Variants in OPHN1 observed in about 807,000 individuals in gnomAD.
OPHN1 encodes the protein oligophrenin 1.
A neutral mutation model predicts 60.7 loss-of-function variants in OPHN1; 11 were observed. The ratio of observed to expected loss-of-function variants is 0.18; its 90% CI spans 0.11 to 0.30. OPHN1 has a LOEUF of 0.30. Ranked by LOEUF, OPHN1 falls within the 10% of genes least tolerant of loss-of-function variation. The pLI is 1.00. For synonymous variants in OPHN1, 226 were observed against 222.6 expected, an observed-to-expected ratio of 1.02 and a Z score of -0.14; for missense variants, 449 against 611.0, an observed-to-expected ratio of 0.73 and a Z score of 2.80.
intron 10 of OPHN1, among the ~76,000 whole-genome samples, chrX:68,202,186 A>G (rs1440219723): frequency 8.9e-6 from 1 of 111,840 alleles, no homozygotes; most frequent in Non-Finnish European, 1.9e-5. Context: ...GGAGAAAAAC[A>G]TTTCTGTCTC....
At chrX:68,073,070 G>A in intron 20 of OPHN1, 82 bp downstream of exon 20, 1 of 1,058,521 alleles carries the variant, frequency 9.4e-7, no homozygotes, top group Non-Finnish European at 1.3e-6. Context: ...GAGAAAAATG[G>A]TCATGCCACC....
intron 2 of OPHN1, among the ~76,000 whole-genome samples, chrX:68,319,927 A>C (rs2078227312): frequency 1.8e-5 from 2 of 110,679 alleles, no homozygotes; most frequent in South Asian, 7.7e-4. Context: ...CAAAGTTGAA[A>C]ATTGATAACA....
chrX:68,397,426 T>TCCTGACA (rs1428242733), intron 2 of OPHN1, among the ~76,000 whole-genome samples: 2 of 106,334 alleles, frequency 1.9e-5, no homozygotes, highest in African/African-American at 6.8e-5. Context: ...ACATCCTGAA[T>TCCTGACA]CCTGACAGCC....
chrX:68,274,699 G>T, intron 5 of OPHN1, 39 bp downstream of exon 5: 1 of 947,267 alleles, frequency 1.1e-6, no homozygotes, highest in Non-Finnish European at 1.5e-6. Context: ...CTATTCGATT[G>T]CTATTTTAAA....
intron 2 of OPHN1, among the ~76,000 whole-genome samples, chrX:68,299,892 T>G (rs910147088): frequency 4.5e-5 from 5 of 110,403 alleles, no homozygotes. Context: ...ACCCAACTTT[T>G]GACCCTTGTT....
intron 2 of OPHN1, among the ~76,000 whole-genome samples, chrX:68,402,920 T>C (rs1056813372): frequency 2.7e-5 from 3 of 110,821 alleles, no homozygotes; most frequent in East Asian, 2.8e-4. Context: ...AAAGATAAAA[T>C]TGGGGGAGAG....
At chrX:68,106,499 T>A (rs888573650) in intron 18 of OPHN1, among the ~76,000 whole-genome samples, 1 of 111,659 alleles carries the variant, frequency 9.0e-6, no homozygotes, top group African/African-American at 3.3e-5. Context: ...CAAGTCTTTT[T>A]TCGTCTGCCT....
At chrX:68,270,513 C>T (rs1473220892) in intron 5 of OPHN1, among the ~76,000 whole-genome samples, 1 of 100,610 alleles carries the variant, frequency 9.9e-6, no homozygotes, top group Non-Finnish European at 2.0e-5. Context: ...ACCACATGTT[C>T]TCACTCATAG....
At chrX:68,089,668 CCAGAATCAAAAGGG>C (rs2077009004) in intron 19 of OPHN1, among the ~76,000 whole-genome samples, 1 of 111,444 alleles carries the variant, frequency 9.0e-6, no homozygotes, top group Non-Finnish European at 1.9e-5. Flanking sequence ...GGCATAATTC[CCAGAATCAAAAGGG>C]GAATCTTTTC....
chrX:68,343,081 T>C (rs1461983375), intron 2 of OPHN1, among the ~76,000 whole-genome samples: 2 of 108,369 alleles, frequency 1.8e-5, no homozygotes, highest in South Asian at 4.1e-4. Context: ...GAGATCAGCC[T>C]AGGCCAACAT....
intron 2 of OPHN1, among the ~76,000 whole-genome samples, chrX:68,335,299 A>G (rs1386094060): frequency 9.0e-6 from 1 of 111,665 alleles, no homozygotes; most frequent in African/African-American, 3.2e-5. Flanking sequence ...CTCTTTCTCT[A>G]TGCCAGTGGT....
rs2076832093 is a variant in OPHN1, at chrX:68,046,281, C to A, written c.*891G>T. ...AACATGAAGCAGCAGTGACAGCTGC[C>A]TGGCCTCAATCCACCTTAACAATTT... On this transcript the variant is annotated 3_prime_UTR_variant, in exon 25 of 25. Transcript: ENST00000355520. 8.9e-6 allele frequency: 1 copy of A among 112,076 alleles called. No individual in the cohort carries two copies. The highest frequency in any genetic ancestry group is 3.2e-5 in the African/African-American group (1 of 30,868). The allele number at this position is 112,076 out of a possible 1,213,427, so 9.2% of individuals were successfully genotyped here. A position where few individuals can be genotyped will look rare whatever the true frequency, so the allele number is the denominator to read the frequency against.
At chrX:68,210,771 T>C (rs1430964758) in intron 8 of OPHN1, among the ~76,000 whole-genome samples, 1 of 112,108 alleles carries the variant, frequency 8.9e-6, no homozygotes, top group East Asian at 2.8e-4. Context: ...GTAGCTATGT[T>C]TTCATACTCA....
intron 7 of OPHN1, 112 bp downstream of exon 7, chrX:68,213,750 C>A: frequency 1.9e-6 from 1 of 530,646 alleles, no homozygotes. Context: ...CTAGACATTT[C>A]CACTGATTAT....
intron 11 of OPHN1, among the ~76,000 whole-genome samples, 167 bp downstream of exon 11, chrX:68,201,452 C>A (rs2077534853): frequency 9.0e-6 from 1 of 111,571 alleles, no homozygotes; most frequent in African/African-American, 3.3e-5. Context: ...TAGCAGGGAT[C>A]CCTGGGAAGG....
chrX:68,357,568 C>T lies in OPHN1; in HGVS notation c.155-58472G>A, dbSNP rs953096849. On this transcript the variant is annotated intron_variant, in intron 2 of 24. Coordinates refer to ENST00000355520, the MANE Select transcript of OPHN1 (RefSeq NM_002547.3). ...GTTTCCAGCTTCATCCATGTCCCTA[C>T]AAAGGACATGAACTCATCATTTTTT... is the stretch of plus-strand genomic sequence containing the variant. Among the ~76,000 whole-genome samples the T allele has an allele frequency of 1.5e-4, 17 of 110,765 alleles. 1 individual carries two copies. In the Admixed American group the frequency reaches 1.6e-3, roughly 10 times the overall value.
At chrX:68,387,198 G>GC (rs2078628759) in intron 2 of OPHN1, among the ~76,000 whole-genome samples, 1 of 34,558 alleles carries the variant, frequency 2.9e-5, no homozygotes, top group South Asian at 1.8e-3. Flanking sequence ...CTTTCTTTCT[G>GC]TTTCTCTCTC....
At chrX:68,404,215 A>T (rs1392820447) in intron 2 of OPHN1, among the ~76,000 whole-genome samples, 1 of 107,064 alleles carries the variant, frequency 9.3e-6, no homozygotes, top group Non-Finnish European at 1.9e-5. Context: ...TCTGGAGTGC[A>T]GTGGCATGAT....
chrX:68,107,820 G>T (rs1005525479), intron 18 of OPHN1, among the ~76,000 whole-genome samples: 2 of 111,717 alleles, frequency 1.8e-5, no homozygotes, highest in Non-Finnish European at 3.8e-5. Context: ...TACTTAAGGT[G>T]GTGTCTGCCA....
Sources: allele counts gnomAD v4.1 joint callset (sites outside exome capture counted in the v4.1 genomes callset), GRCh38; gene constraint gnomAD v4.1.1; transcripts MANE v1.5; gene names NCBI Gene and HGNC (gene_info 2026-07-23, HGNC 2026-07-21).